Variants in SLC35F4 observed in about 807,000 individuals in gnomAD.
SLC35F4 encodes the protein solute carrier family 35 member F4.
SLC35F4 carries 24 observed loss-of-function variants against 44.2 expected under a neutral mutation model. The observed-to-expected ratio is 0.54, with a 90% confidence interval of 0.39 to 0.76. The LOEUF is 0.76. Ranked by LOEUF, SLC35F4 falls within the 30% of genes least tolerant of loss-of-function variation. The probability of loss-of-function intolerance (pLI) is 0.00; values close to 1 mark genes in which losing one functional copy is unlikely to be tolerated. For synonymous variants in SLC35F4, 238 were observed against 223.6 expected, an observed-to-expected ratio of 1.06 and a Z score of -0.57; for missense variants, 562 against 586.1, an observed-to-expected ratio of 0.96 and a Z score of 0.42.
chr14:57,775,390 C>A (rs1484662009), intron 1 of SLC35F4, among the ~76,000 whole-genome samples: 1 of 152,200 alleles, frequency 6.6e-6, no homozygotes, highest in Non-Finnish European at 1.5e-5. Flanking sequence ...TGGCACCAGC[C>A]ATTGGAGTCT....
intron 1 of SLC35F4, among the ~76,000 whole-genome samples, chr14:57,791,192 C>G (rs565797795): frequency 1.3e-5 from 2 of 152,106 alleles, no homozygotes; most frequent in African/African-American, 4.8e-5. Flanking sequence ...TCGGAGTGAA[C>G]AGGCAATCTA....
chr14:57,965,258 A>T (rs1274450191), intron 1 of SLC35F4, among the ~76,000 whole-genome samples: 1 of 152,092 alleles, frequency 6.6e-6, no homozygotes, highest in African/African-American at 2.4e-5. Flanking sequence ...TCCTTGAGTT[A>T]TTGTTCCTTC....
intron 6 of SLC35F4, among the ~76,000 whole-genome samples, chr14:57,568,566 G>A (rs563096261): frequency 6.6e-6 from 1 of 152,240 alleles, no homozygotes; most frequent in South Asian, 2.1e-4. Context: ...AGAACTCAAG[G>A]GACCAACAAT....
intron 1 of SLC35F4, among the ~76,000 whole-genome samples, chr14:57,728,140 T>A (rs1052681593): frequency 1.6e-4 from 25 of 152,206 alleles, no homozygotes; most frequent in Non-Finnish European, 1.8e-4. Flanking sequence ...TATCATGACC[T>A]TTTTTGTCTC....
At chr14:57,865,596 G>C (rs772571371) in intron 1 of SLC35F4, 127 bp downstream of exon 1, 3 of 685,150 alleles carry the variant, frequency 4.4e-6, no homozygotes, top group Non-Finnish European at 6.8e-6. Flanking sequence ...CCAGGAAGGC[G>C]GTGTTGACAG....
chr14:57,861,659 A>T (rs1887689330), intron 1 of SLC35F4, among the ~76,000 whole-genome samples: 1 of 152,104 alleles, frequency 6.6e-6, no homozygotes, highest in Non-Finnish European at 1.5e-5. Flanking sequence ...ATGACCTTTA[A>T]TTGTCAAATT....
chr14:57,597,875 C>G (rs1351233437), intron 1 of SLC35F4, among the ~76,000 whole-genome samples: 1 of 152,164 alleles, frequency 6.6e-6, no homozygotes, highest in African/African-American at 2.4e-5. Context: ...TGAAAAGGAG[C>G]TGTCTAATTG....
At chr14:57,817,447 G>A (rs543088361) in intron 1 of SLC35F4, among the ~76,000 whole-genome samples, 1 of 152,220 alleles carries the variant, frequency 6.6e-6, no homozygotes, top group South Asian at 2.1e-4. Context: ...TTCACGTGAC[G>A]AGGCTTTTCA....
intron 1 of SLC35F4, among the ~76,000 whole-genome samples, chr14:57,833,981 C>G (rs987697926): frequency 2.6e-5 from 4 of 152,142 alleles, no homozygotes; most frequent in Non-Finnish European, 5.9e-5. Context: ...TAAAATAAAT[C>G]TGAGGCTATT....
intron 1 of SLC35F4, among the ~76,000 whole-genome samples, chr14:57,904,935 T>G (rs1448271839): frequency 6.6e-6 from 1 of 152,208 alleles, no homozygotes; most frequent in African/African-American, 2.4e-5. Context: ...ATTTTGTGTC[T>G]TTATGACATG....
At chr14:57,700,016 G>T (rs879902433) in intron 1 of SLC35F4, among the ~76,000 whole-genome samples, 1 of 152,114 alleles carries the variant, frequency 6.6e-6, no homozygotes, top group South Asian at 2.1e-4. Flanking sequence ...ACCACAAATA[G>T]TACTGAACCC....
intron 1 of SLC35F4, among the ~76,000 whole-genome samples, chr14:57,656,322 A>G (rs2073968177): frequency 6.8e-6 from 1 of 147,808 alleles, no homozygotes; most frequent in Non-Finnish European, 1.5e-5. Context: ...ACACTCACAC[A>G]TATATGCTTG....
At chr14:57,660,690 C>G (rs2074109954) in intron 1 of SLC35F4, among the ~76,000 whole-genome samples, 2 of 152,094 alleles carry the variant, frequency 1.3e-5, no homozygotes, top group Admixed American at 1.3e-4. Context: ...CAGAGCACTG[C>G]TCTGGGGGAA....
intron 1 of SLC35F4, among the ~76,000 whole-genome samples, chr14:57,922,635 G>C (rs1889464298): frequency 6.6e-6 from 1 of 152,140 alleles, no homozygotes; most frequent in South Asian, 2.1e-4. Flanking sequence ...TGTTCTGTTG[G>C]ATAGATGACA....
intron 1 of SLC35F4, among the ~76,000 whole-genome samples, chr14:57,898,430 T>C (rs1888930614): frequency 6.6e-6 from 1 of 152,214 alleles, no homozygotes; most frequent in South Asian, 2.1e-4. Context: ...TTTATTACCT[T>C]GGAAATAGAA....
chr14:57,706,256 C>T (rs1401090928), intron 1 of SLC35F4, among the ~76,000 whole-genome samples: 1 of 152,144 alleles, frequency 6.6e-6, no homozygotes, highest in Non-Finnish European at 1.5e-5. Context: ...CAAAAAATGA[C>T]ATCATTGTCC....
At chr14:57,688,319 T>C (rs1279158480) in intron 1 of SLC35F4, among the ~76,000 whole-genome samples, 1 of 152,112 alleles carries the variant, frequency 6.6e-6, no homozygotes, top group Non-Finnish European at 1.5e-5. Context: ...GCAAGTAAAA[T>C]TTGGGATAAA....
intron 1 of SLC35F4, among the ~76,000 whole-genome samples, chr14:57,661,436 A>G (rs566661558): frequency 6.6e-6 from 1 of 152,274 alleles, no homozygotes; most frequent in East Asian, 1.9e-4. Context: ...TTCCAGCTCA[A>G]CCTAGAGAAG....
chr14:57,902,400 C>T (rs1403244323), intron 1 of SLC35F4, among the ~76,000 whole-genome samples: 1 of 151,942 alleles, frequency 6.6e-6, no homozygotes, highest in Non-Finnish European at 1.5e-5. Context: ...CCTGTCCCTA[C>T]TAAAACTTCA....
Sources: gnomAD v4.1 joint callset for allele counts (sites outside exome capture counted in the v4.1 genomes callset) on GRCh38, gnomAD v4.1.1 for gene constraint, MANE v1.5 for transcripts, NCBI Gene and HGNC (gene_info 2026-07-23, HGNC 2026-07-21) for gene names.